Variants in MYT1L observed in about 807,000 individuals in gnomAD.
MYT1L encodes the protein myelin transcription factor 1 like.
MYT1L carries 12 observed loss-of-function variants against 126.7 expected under a neutral mutation model. The observed-to-expected ratio is 0.09, with a 90% CI of 0.06 to 0.15. The LOEUF (loss-of-function observed/expected upper bound fraction) is 0.15. Among genes scored for constraint, MYT1L ranks in the 10% least tolerant of loss-of-function variants. The pLI, the probability that MYT1L is intolerant of heterozygous loss-of-function variation, is 1.00. For synonymous variants in MYT1L, 541 were observed against 604.2 expected, an observed-to-expected ratio of 0.90 and a Z score of 1.53; for missense variants, 979 against 1,585.2, an observed-to-expected ratio of 0.62 and a Z score of 6.49.
chr2:1,861,840 C>T (rs1293822547), intron 18 of MYT1L, among the ~76,000 whole-genome samples: 1 of 152,376 alleles, frequency 6.6e-6, no homozygotes, highest in Non-Finnish European at 1.5e-5. Flanking sequence ...CCTGGATCCG[C>T]CTGCAGCCTG....
chr2:2,220,286 T>C (rs2093819230), intron 2 of MYT1L, among the ~76,000 whole-genome samples: 1 of 152,054 alleles, frequency 6.6e-6, no homozygotes, highest in Non-Finnish European at 1.5e-5. Flanking sequence ...AGAAAAACAT[T>C]GATATGGTTC....
At chr2:2,104,168 G>A (rs2078457394) in intron 3 of MYT1L, among the ~76,000 whole-genome samples, 1 of 152,210 alleles carries the variant, frequency 6.6e-6, no homozygotes, top group African/African-American at 2.4e-5. Flanking sequence ...CCTCGAAATA[G>A]GTACTAGGCA....
At chr2:1,799,912 C>A (rs1340626562) in intron 23 of MYT1L, among the ~76,000 whole-genome samples, 1 of 152,146 alleles carries the variant, frequency 6.6e-6, no homozygotes, top group Non-Finnish European at 1.5e-5. Context: ...ATTTCCTCTG[C>A]TTGCACTTCT....
chr2:2,178,975 T>A (rs2091123295), intron 2 of MYT1L, among the ~76,000 whole-genome samples: 1 of 152,216 alleles, frequency 6.6e-6, no homozygotes, highest in South Asian at 2.1e-4. Context: ...GAGAAGACGT[T>A]TCCATGGGGC....
intron 2 of MYT1L, among the ~76,000 whole-genome samples, chr2:2,183,539 G>C (rs2091767483): frequency 6.6e-6 from 1 of 152,112 alleles, no homozygotes; most frequent in African/African-American, 2.4e-5. Flanking sequence ...ATGAATGTTT[G>C]AAATCATGCT....
intron 2 of MYT1L, among the ~76,000 whole-genome samples, chr2:2,275,425 G>A (rs1235295563): frequency 6.6e-6 from 1 of 152,088 alleles, no homozygotes; most frequent in Non-Finnish European, 1.5e-5. Context: ...TTCTGGTCAT[G>A]GGATGTCAGA....
At chr2:2,311,322 T>C (rs960306820) in intron 1 of MYT1L, among the ~76,000 whole-genome samples, 20 of 152,366 alleles carry the variant, frequency 1.3e-4, no homozygotes, top group African/African-American at 4.8e-4. Context: ...GGATATTCTA[T>C]GCTGATGTAT....
chr2:2,177,262 A>G (rs575312785), intron 2 of MYT1L, among the ~76,000 whole-genome samples: 5 of 152,250 alleles, frequency 3.3e-5, no homozygotes, highest in Non-Finnish European at 7.3e-5. Context: ...TACCAAATAT[A>G]TATTTAGTCA....
chr2:2,176,609 C>G (rs1205269634), intron 2 of MYT1L, among the ~76,000 whole-genome samples: 1 of 151,900 alleles, frequency 6.6e-6, no homozygotes, highest in Non-Finnish European at 1.5e-5. Flanking sequence ...AGTGATTCTC[C>G]TGCTTCAACC....
chr2:1,853,946 A>T (rs977746303), intron 18 of MYT1L, among the ~76,000 whole-genome samples: 2 of 152,224 alleles, frequency 1.3e-5, no homozygotes, highest in African/African-American at 4.8e-5. Context: ...TTGTTTGATA[A>T]GAAAATAGGT....
chr2:1,979,643 T>C lies in MYT1L; in HGVS notation c.55+80A>G. The C allele has an allele frequency of 6.2e-7, 1 of 1,604,350 alleles. No individual in the cohort carries two copies. The highest frequency in any genetic ancestry group is 1.3e-5 in the African/African-American group (1 of 74,800). On this transcript the variant is annotated intron_variant, in intron 6 of 24. Transcript: ENST00000647738. The surrounding 1 kb of genome is among the most constrained non-coding windows in gnomAD (Gnocchi z 4.0). ...AATTACCAAAAGGGTGGCATGAAAGTGGGGTCAGAATCGACCTCAGTTCCG... is the reference window on the plus strand; with the variant it reads ...AATTACCAAAAGGGTGGCATGAAAGCGGGGTCAGAATCGACCTCAGTTCCG...
intron 2 of MYT1L, among the ~76,000 whole-genome samples, chr2:2,208,461 T>C (rs2093391000): frequency 6.6e-6 from 1 of 152,160 alleles, no homozygotes; most frequent in Non-Finnish European, 1.5e-5. Flanking sequence ...GCAGGTGCAG[T>C]GCCATCCAAG....
chr2:2,231,630 T>C (rs532036675), intron 2 of MYT1L, among the ~76,000 whole-genome samples: 2 of 152,198 alleles, frequency 1.3e-5, no homozygotes, highest in South Asian at 4.1e-4. Flanking sequence ...GTATTTTTTG[T>C]AAAGATGGTG....
chr2:2,106,254 T>C (rs1389033520), intron 3 of MYT1L, among the ~76,000 whole-genome samples: 2 of 152,230 alleles, frequency 1.3e-5, no homozygotes, highest in Non-Finnish European at 2.9e-5. Flanking sequence ...TTGTAATTGG[T>C]TGCATTCTTT....
chr2:2,288,016 C>T (rs973678405), intron 1 of MYT1L, among the ~76,000 whole-genome samples: 1 of 152,120 alleles, frequency 6.6e-6, no homozygotes, highest in Non-Finnish European at 1.5e-5. Flanking sequence ...TTGGCTTCTT[C>T]AGACAGACAT....
intron 3 of MYT1L, among the ~76,000 whole-genome samples, chr2:2,129,577 G>A (rs954768005): frequency 2.1e-4 from 32 of 152,114 alleles, no homozygotes; most frequent in African/African-American, 7.2e-4. Flanking sequence ...ACAAGTGACC[G>A]CAGCCACAAA....
chr2:2,041,374 T>C (rs1026013421), intron 4 of MYT1L, among the ~76,000 whole-genome samples: 8 of 152,198 alleles, frequency 5.3e-5, no homozygotes, highest in African/African-American at 1.9e-4. Context: ...GGGAAGCTAC[T>C]GGGGGAGAGA....
chr2:2,113,182 C>A (rs537839170), intron 3 of MYT1L, among the ~76,000 whole-genome samples: 2 of 152,300 alleles, frequency 1.3e-5, no homozygotes, highest in South Asian at 4.2e-4. Flanking sequence ...TGGATGAAAA[C>A]CAACTATTGC....
intron 3 of MYT1L, among the ~76,000 whole-genome samples, chr2:2,130,455 C>T (rs894315401): frequency 3.3e-5 from 5 of 152,080 alleles, no homozygotes; most frequent in Admixed American, 6.6e-5. Flanking sequence ...GAAATAAAGG[C>T]GCAGGTGTCC....
Sources: gnomAD v4.1 joint callset for allele counts (sites outside exome capture counted in the v4.1 genomes callset) on GRCh38, gnomAD v4.1.1 for gene constraint, Gnocchi (gnomAD v3.1) non-coding constraint, MANE v1.5 for transcripts, NCBI Gene and HGNC (gene_info 2026-07-23, HGNC 2026-07-21) for gene names.